The following ANKRD28 variants were observed in gnomAD, a reference collection of about 807,000 sequenced individuals.
ANKRD28 encodes the protein ankyrin repeat domain 28, also known as serine/threonine-protein phosphatase 6 regulatory ankyrin repeat subunit A.
A neutral mutation model predicts 126.5 loss-of-function variants in ANKRD28; 44 were observed. The ratio of observed to expected loss-of-function variants is 0.35; its 90% CI spans 0.27 to 0.45. The LOEUF (loss-of-function observed/expected upper bound fraction) is 0.45. Ranked by LOEUF, ANKRD28 falls within the 20% of genes least tolerant of loss-of-function variation. ANKRD28 has a pLI of 1.00. For missense variants in ANKRD28, 1,110 were observed against 1,316.6 expected (o/e 0.84, Z 2.43); for synonymous variants, 442 against 468.5 (o/e 0.94, Z 0.73).
intron 8 of ANKRD28, among the ~76,000 whole-genome samples, 197 bp downstream of exon 8, chr3:15,720,718 T>A (rs1559403517): frequency 6.6e-6 from 1 of 152,214 alleles, no homozygotes; most frequent in Non-Finnish European, 1.5e-5. Context: ...TGGAATTTTA[T>A]TGGTTCTAGA....
At chr3:15,686,491 A>C (rs2068145110) in intron 18 of ANKRD28, 182 bp from the exon 19 acceptor site, 1 of 603,820 alleles carries the variant, frequency 1.7e-6, no homozygotes, top group Non-Finnish European at 2.9e-6. Context: ...AGCTGGAATA[A>C]ATGTGAATTC....
chr3:15,776,139 G>A (rs538639437), intron 2 of ANKRD28, among the ~76,000 whole-genome samples: 56 of 152,272 alleles, frequency 3.7e-4, no homozygotes, highest in African/African-American at 1.1e-3. Context: ...TTACCATATC[G>A]TACACTACAT....
At chr3:15,821,217 T>A (rs751718446) in intron 1 of ANKRD28, among the ~76,000 whole-genome samples, 18 of 152,206 alleles carry the variant, frequency 1.2e-4, no homozygotes, top group Non-Finnish European at 2.1e-4. Context: ...AAATTAATGA[T>A]TTCTTAGAAT....
intron 21 of ANKRD28, chr3:15,684,329 T>C (rs2067868278): frequency 6.6e-6 from 1 of 152,236 alleles, no homozygotes; most frequent in Non-Finnish European, 1.5e-5. Flanking sequence ...ATAAAAGCGA[T>C]GACTGTGACT....
In ANKRD28 at chr3:15,797,558, T is replaced by TAA. The variant is rs545968418; in HGVS notation, c.-1039_-1038dup. The TAA allele has an allele frequency of 2.6e-4, 203 of 775,392 alleles. No homozygotes were observed. The African/African-American group carries it at 3.4e-3, about 13-fold the overall frequency. 48.0% of individuals were successfully genotyped at this position (775,392 alleles called of 1,614,324 possible). A position where few individuals can be genotyped will look rare whatever the true frequency, so the allele number is the denominator to read the frequency against. On this transcript the variant is annotated 5_prime_UTR_variant, in exon 1 of 28. It removes the in-frame stop codon of an upstream open reading frame in the 5' UTR. Transcript: ENST00000683139. ...ACTGCTTCAGGCTTTTTGTTTTCTT[T>TAA]AAAAAAAAAAAGGGGGGGGAAAAAC...
At chr3:15,759,742 C>G (rs980373973) in intron 3 of ANKRD28, among the ~76,000 whole-genome samples, 1 of 152,154 alleles carries the variant, frequency 6.6e-6, no homozygotes, top group East Asian at 1.9e-4. Context: ...GAAATGTGTA[C>G]CAAACTGAAG....
At chr3:15,744,366 C>T (rs545351196) in intron 4 of ANKRD28, among the ~76,000 whole-genome samples, 10 of 151,932 alleles carry the variant, frequency 6.6e-5, no homozygotes, top group South Asian at 2.1e-4. Context: ...CAGGCTGGAG[C>T]GCAATGGCGC....
At chr3:15,727,400 C>A (rs2074246798) in intron 6 of ANKRD28, among the ~76,000 whole-genome samples, 1 of 151,718 alleles carries the variant, frequency 6.6e-6, no homozygotes, top group Admixed American at 6.6e-5. Flanking sequence ...AACCCTGTCT[C>A]TACTAAAAGT....
intron 5 of ANKRD28, among the ~76,000 whole-genome samples, 192 bp from the exon 6 acceptor site, chr3:15,735,689 G>C (rs532239112): frequency 1.5e-4 from 23 of 152,210 alleles, no homozygotes; most frequent in Admixed American, 3.3e-4. Context: ...GTTAACTGTG[G>C]GTGCTACTGA....
chr3:15,744,830 A>G (rs1261068100), intron 4 of ANKRD28, among the ~76,000 whole-genome samples: 1 of 152,134 alleles, frequency 6.6e-6, no homozygotes, highest in Non-Finnish European at 1.5e-5. Context: ...TGTTTTCCAT[A>G]ATGGTTGTAC....
chr3:15,700,626 T>C (rs2070433790), intron 14 of ANKRD28, among the ~76,000 whole-genome samples: 1 of 152,018 alleles, frequency 6.6e-6, no homozygotes, highest in Non-Finnish European at 1.5e-5. Context: ...GTACAAAAAT[T>C]AGCTGGGTGT....
Position 15,668,731 on chromosome 3 carries a change from C to A in ANKRD28, c.*1539G>T, listed in dbSNP as rs1345839656. On this transcript the variant is annotated 3_prime_UTR_variant, in exon 28 of 28. Transcript: ENST00000683139. Reference sequence around the variant, plus strand: ...TCTATGTACATGCTCATTAATTCTTCAAAAAACCCACAAAATTATCAAATA... The same window carrying A: ...TCTATGTACATGCTCATTAATTCTTAAAAAAACCCACAAAATTATCAAATA... 6.6e-6 allele frequency: 1 copy of A among 152,480 alleles called. No individual in the cohort carries two copies. The highest frequency in any genetic ancestry group is 2.4e-5 in the African/African-American group (1 of 41,392). 9.4% of individuals were successfully genotyped at this position (152,480 alleles called of 1,614,324 possible). A position where few individuals can be genotyped will look rare whatever the true frequency, so the allele number is the denominator to read the frequency against.
At chr3:15,678,820 T>A (rs1238775720) in intron 23 of ANKRD28, among the ~76,000 whole-genome samples, 4 of 152,204 alleles carry the variant, frequency 2.6e-5, no homozygotes, top group African/African-American at 9.6e-5. Context: ...TCCTAAAATC[T>A]ATAAATAGAA....
At chr3:15,704,493 G>C (rs964854465) in intron 14 of ANKRD28, among the ~76,000 whole-genome samples, 6 of 152,062 alleles carry the variant, frequency 3.9e-5, no homozygotes, top group African/African-American at 1.4e-4. Flanking sequence ...GATGCTGACA[G>C]GGGATTTTTA....
chr3:15,749,099 TTG>T (rs1444182370), intron 4 of ANKRD28, among the ~76,000 whole-genome samples: 1,245 of 34,754 alleles, frequency 0.036, 188 homozygotes, highest in Non-Finnish European at 0.051. Context: ...TATTATGTTT[TTG>T]TTTTTTTTTT....
At chr3:15,813,303 CT>C (rs1184860176) in intron 1 of ANKRD28, among the ~76,000 whole-genome samples, 1 of 152,108 alleles carries the variant, frequency 6.6e-6, no homozygotes, top group Non-Finnish European at 1.5e-5. Flanking sequence ...CAGGTTGAGG[CT>C]GCAGTCAGCC....
chr3:15,729,202 C>T (rs935528933), intron 6 of ANKRD28, among the ~76,000 whole-genome samples: 4 of 152,210 alleles, frequency 2.6e-5, no homozygotes, highest in Admixed American at 2.6e-4. Flanking sequence ...GACCACTATT[C>T]TCCTTTCATA....
intron 1 of ANKRD28, among the ~76,000 whole-genome samples, chr3:15,803,040 A>G (rs1233039436): frequency 6.6e-6 from 1 of 152,226 alleles, no homozygotes; most frequent in Non-Finnish European, 1.5e-5. Context: ...ATGAGGGACA[A>G]TATCACATGC....
chr3:15,688,975 T>G (rs1409589802), intron 18 of ANKRD28, among the ~76,000 whole-genome samples: 2 of 152,196 alleles, frequency 1.3e-5, no homozygotes, highest in African/African-American at 2.4e-5. Flanking sequence ...CAGAAAGAAA[T>G]AAATACTGCA....
Sources: gnomAD v4.1 joint callset for allele counts (sites outside exome capture counted in the v4.1 genomes callset) on GRCh38, gnomAD v4.1.1 for gene constraint, MANE v1.5 for transcripts, NCBI Gene and HGNC (gene_info 2026-07-23, HGNC 2026-07-21) for gene names.